SOX6: variants seen among roughly 807,000 people sequenced by gnomAD.
The protein encoded by SOX6 is SRY-box transcription factor 6.
Under a neutral mutation model 97.8 loss-of-function variants are expected in SOX6, and 11 were observed. The ratio of observed to expected loss-of-function variants is 0.11; its 90% CI spans 0.07 to 0.19. The LOEUF is 0.19. Ranked by LOEUF, SOX6 falls within the 10% of genes least tolerant of loss-of-function variation. SOX6 has a pLI of 1.00. For missense variants in SOX6, 810 were observed against 1,039.5 expected (o/e 0.78, Z 3.04); for synonymous variants, 360 against 371.4 (o/e 0.97, Z 0.35).
chr11:16,349,929 GCTAAT>G (rs1856892812), intron 1 of SOX6, among the ~76,000 whole-genome samples: 1 of 151,898 alleles, frequency 6.6e-6, no homozygotes, highest in East Asian at 1.9e-4. Context: ...ATTTCCTATA[GCTAAT>G]GCCTGATATG....
intron 1 of SOX6, among the ~76,000 whole-genome samples, chr11:16,414,643 T>C (rs1389895561): frequency 6.6e-6 from 1 of 151,926 alleles, no homozygotes; most frequent in Non-Finnish European, 1.5e-5. Flanking sequence ...AAAAGATAAA[T>C]TGTGACAAGA....
At chr11:16,593,184 T>C (rs1848173898) in intron 4 of SOX6, among the ~76,000 whole-genome samples, 1 of 151,946 alleles carries the variant, frequency 6.6e-6, no homozygotes, top group Non-Finnish European at 1.5e-5. Context: ...ATAATAAAAT[T>C]AAAACTTCAA....
chr11:16,494,499 A>C (rs1330409628), intron 4 of SOX6, among the ~76,000 whole-genome samples: 1 of 152,234 alleles, frequency 6.6e-6, no homozygotes. Context: ...AATATGTATA[A>C]TAAAGTACCA....
At chr11:16,386,240 T>G (rs1857980793) in intron 1 of SOX6, among the ~76,000 whole-genome samples, 1 of 151,634 alleles carries the variant, frequency 6.6e-6, no homozygotes, top group Non-Finnish European at 1.5e-5. Context: ...CTATTCAACT[T>G]CAATAATTTT....
chr11:16,639,923 C>G (rs947839740), intron 3 of SOX6, among the ~76,000 whole-genome samples: 37 of 152,046 alleles, frequency 2.4e-4, no homozygotes, highest in Admixed American at 1.0e-3. Flanking sequence ...CCTGATTGCC[C>G]TGGCCAGAAC....
At chr11:16,357,733 G>T (rs1002211320), upstream of SOX6, among the ~76,000 whole-genome samples, 2 of 152,108 alleles carry the variant, frequency 1.3e-5, no homozygotes, top group African/African-American at 2.4e-5. Flanking sequence ...ATAATGCTTA[G>T]TAGATGCAAA....
intron 1 of SOX6, among the ~76,000 whole-genome samples, chr11:16,424,729 T>A (rs1859090921): frequency 1.3e-5 from 2 of 152,228 alleles, no homozygotes; most frequent in South Asian, 4.1e-4. Context: ...AAGAGAAATA[T>A]CTATAGATAG....
intron 1 of SOX6, among the ~76,000 whole-genome samples, chr11:16,354,912 T>C (rs1185862546): frequency 6.6e-6 from 1 of 152,038 alleles, no homozygotes; most frequent in Non-Finnish European, 1.5e-5. Context: ...TTTTTATTTC[T>C]AAATCAGGTC....
intron 2 of SOX6, among the ~76,000 whole-genome samples, chr11:16,325,037 A>G (rs1856039373): frequency 6.6e-6 from 1 of 152,166 alleles, no homozygotes; most frequent in Admixed American, 6.6e-5. Flanking sequence ...TACAGAAAAA[A>G]AGAGACCATA....
chr11:16,186,686 A>C, intron 5 of SOX6, 97 bp downstream of exon 5: 1 of 1,308,346 alleles, frequency 7.6e-7, no homozygotes. Flanking sequence ...TTTATTTTTT[A>C]GGAAAGCTTA....
chr11:16,714,508 A>G (rs1848204612), intron 3 of SOX6, among the ~76,000 whole-genome samples: 1 of 137,268 alleles, frequency 7.3e-6, no homozygotes, highest in Non-Finnish European at 1.5e-5. Context: ...GCTGGAATGC[A>G]GTGGCGCATC....
chr11:16,423,388 T>C (rs1483278733), intron 1 of SOX6, among the ~76,000 whole-genome samples: 2 of 152,166 alleles, frequency 1.3e-5, no homozygotes, highest in Admixed American at 6.5e-5. Flanking sequence ...ATTGAATAAA[T>C]GGATTAATAA....
chr11:16,591,181 C>A (rs1380756145), intron 4 of SOX6, among the ~76,000 whole-genome samples: 1 of 152,048 alleles, frequency 6.6e-6, no homozygotes, highest in Non-Finnish European at 1.5e-5. Flanking sequence ...CAGCATCCAG[C>A]AGTTCACTGC....
At chr11:16,111,705 A>T in intron 7 of SOX6, 98 bp downstream of exon 7, 1 of 1,462,580 alleles carries the variant, frequency 6.8e-7, no homozygotes, top group Non-Finnish European at 9.5e-7. Flanking sequence ...ATTTTTATTC[A>T]TAGTTCCCTG....
intron 3 of SOX6, among the ~76,000 whole-genome samples, chr11:16,274,781 C>A (rs1854348787): frequency 6.6e-6 from 1 of 152,138 alleles, no homozygotes; most frequent in Non-Finnish European, 1.5e-5. Flanking sequence ...TTTCAGACAG[C>A]TAACCCAAAG....
At chr11:16,549,119 C>T (rs1847651108) in intron 4 of SOX6, among the ~76,000 whole-genome samples, 2 of 152,080 alleles carry the variant, frequency 1.3e-5, no homozygotes, top group African/African-American at 2.4e-5. Flanking sequence ...GGGAAAAGCA[C>T]ATTTAAAACT....
At chr11:16,738,003 G>A (rs1848407111) in intron 1 of SOX6, among the ~76,000 whole-genome samples, 1 of 152,078 alleles carries the variant, frequency 6.6e-6, no homozygotes. Flanking sequence ...AGCGAGGTCA[G>A]TGAGGAGCAC....
chr11:16,270,463 T>C (rs1426628975), intron 3 of SOX6, among the ~76,000 whole-genome samples: 1 of 151,322 alleles, frequency 6.6e-6, no homozygotes, highest in African/African-American at 2.4e-5. Context: ...AAGCTAAACA[T>C]GGAATTATTT....
intron 3 of SOX6, among the ~76,000 whole-genome samples, chr11:16,249,867 G>C (rs1406483048): frequency 6.6e-6 from 1 of 152,134 alleles, no homozygotes; most frequent in Non-Finnish European, 1.5e-5. Flanking sequence ...ATATTACGAG[G>C]TTAATTCCAG....
Sources: gnomAD v4.1 joint callset for allele counts (sites outside exome capture counted in the v4.1 genomes callset) on GRCh38, gnomAD v4.1.1 for gene constraint, MANE v1.5 for transcripts, NCBI Gene and HGNC (gene_info 2026-07-23, HGNC 2026-07-21) for gene names.